The following STAM2 variants were observed in gnomAD, a reference collection of about 807,000 sequenced individuals.
The protein encoded by STAM2 is signal transducing adaptor molecule 2, also known as signal transducing adapter molecule 2.
In STAM2, 51 loss-of-function variants were observed where a neutral mutation model predicts 65.6. That is an observed-to-expected ratio of 0.78 (90% CI 0.62 to 0.98). The LOEUF (loss-of-function observed/expected upper bound fraction) is 0.98. STAM2 is among the 50% of genes least tolerant of loss of function. The probability of loss-of-function intolerance (pLI) is 0.00; values close to 1 mark genes in which losing one functional copy is unlikely to be tolerated. For synonymous variants in STAM2, 198 were observed against 208.4 expected, an observed-to-expected ratio of 0.95 and a Z score of 0.43; for missense variants, 584 against 617.8, an observed-to-expected ratio of 0.95 and a Z score of 0.58.
At chr2:152,132,567 A>T (rs1361217145) in intron 10 of STAM2, among the ~76,000 whole-genome samples, 1 of 152,166 alleles carries the variant, frequency 6.6e-6, no homozygotes, top group Non-Finnish European at 1.5e-5. Flanking sequence ...TCAAGATTAA[A>T]CATACTGTGT....
chr2:152,122,584 T>A (rs1165270228), intron 13 of STAM2, among the ~76,000 whole-genome samples: 1 of 152,162 alleles, frequency 6.6e-6, no homozygotes, highest in African/African-American at 2.4e-5. Context: ...TGAACACTAA[T>A]ATAAACAGAT....
rs765783058 is a variant in STAM2 at position 152,133,483 on chromosome 2, C to T, written c.801G>A (p.Ala267=). The change falls in exon 9 of 14, where the codon GCG becomes GCA. Residue 267 remains alanine (A), a splice_region_variant and synonymous_variant. Coordinates refer to ENST00000263904, the MANE Select transcript of STAM2 (RefSeq NM_005843.6). ...CAATTACATTCAATTTGTCCACAGC[C>T]GCTATAGAAACAAAGTAATTTTAAG... ...TTNLNIETEA[A]AVDKLNVIDD... is the part of the protein sequence containing the mutation. The T allele has an allele frequency of 5.0e-5, 80 of 1,610,240 alleles. No individual in the cohort carries two copies. In the Admixed American group the frequency reaches 8.9e-4, roughly 18 times the overall value.
At position 152,162,450 on chromosome 2, in the gene STAM2, C is replaced by T. The variant is rs191378756; in HGVS notation, c.41-12221G>A. 2.6e-5 allele frequency among the ~76,000 whole-genome samples: 4 copies of T among 152,112 alleles called. No individual in the cohort carries two copies. The East Asian group carries it at 5.8e-4, about 22-fold the overall frequency. ...GAAATAGTAGTCTGGTACGGTGATG[C>T]GCACCTGTAGTTCTAGGTACTCAGA... On this transcript the variant is annotated intron_variant, in intron 1 of 13. Transcript: ENST00000263904.
At chr2:152,139,845 C>T (rs1388839872) in intron 7 of STAM2, among the ~76,000 whole-genome samples, 2 of 151,158 alleles carry the variant, frequency 1.3e-5, no homozygotes, top group Non-Finnish European at 2.9e-5. Flanking sequence ...AATAGAACAA[C>T]AAAAAAAATT....
chr2:152,163,180 T>C (rs1389708130), intron 1 of STAM2, among the ~76,000 whole-genome samples: 5 of 152,184 alleles, frequency 3.3e-5, no homozygotes, highest in Non-Finnish European at 4.4e-5. Context: ...CCAGAACGAA[T>C]GGAGGGACTG....
chr2:152,156,176 ATTGT>A (rs1689542248), intron 1 of STAM2, among the ~76,000 whole-genome samples: 1 of 152,136 alleles, frequency 6.6e-6, no homozygotes, highest in Admixed American at 6.5e-5. Context: ...TAATTAGACT[ATTGT>A]TTATTTAATT....
chr2:152,155,666 G>A (rs1203982312), intron 1 of STAM2, among the ~76,000 whole-genome samples: 1 of 152,034 alleles, frequency 6.6e-6, no homozygotes, highest in Non-Finnish European at 1.5e-5. Context: ...AATCTTTCCT[G>A]TTTGTTTATG....
At chr2:152,160,531 G>C (rs1389235275) in intron 1 of STAM2, among the ~76,000 whole-genome samples, 1 of 151,562 alleles carries the variant, frequency 6.6e-6, no homozygotes. Flanking sequence ...CCCTCCGCCC[G>C]GCAGCCACCG....
At chr2:152,142,323 T>C (rs565411337) in intron 7 of STAM2, among the ~76,000 whole-genome samples, 1 of 152,372 alleles carries the variant, frequency 6.6e-6, no homozygotes, top group Non-Finnish European at 1.5e-5. Flanking sequence ...TATAAAGTAA[T>C]GCTCTAAATT....
At chr2:152,152,027 TCTCCCGGGG>T (rs767414017) in intron 1 of STAM2, among the ~76,000 whole-genome samples, 1 of 151,956 alleles carries the variant, frequency 6.6e-6, no homozygotes, top group Non-Finnish European at 1.5e-5. Flanking sequence ...GCAGCCTTTA[TCTCCCGGGG>T]CTCACGTGAT....
At chr2:152,174,355 G>A (rs10497097) in intron 1 of STAM2, among the ~76,000 whole-genome samples, 32,213 of 151,980 alleles carry the variant, frequency 0.21, 3,644 homozygotes, top group Admixed American at 0.3. Flanking sequence ...ACTGCAATGA[G>A]GCGTTCCAAA....
intron 6 of STAM2, 23 bp from the exon 7 acceptor site, chr2:152,144,036 A>T: frequency 1.9e-6 from 3 of 1,580,370 alleles, no homozygotes; most frequent in Non-Finnish European, 2.6e-6. Context: ...ATTAAAATGC[A>T]AAGAAACTGG....
intron 7 of STAM2, among the ~76,000 whole-genome samples, chr2:152,139,173 T>C (rs1689203217): frequency 6.6e-6 from 1 of 152,208 alleles, no homozygotes; most frequent in Admixed American, 6.5e-5. Flanking sequence ...ACAAACCATT[T>C]AATAATTAAA....
intron 7 of STAM2, among the ~76,000 whole-genome samples, chr2:152,138,346 T>C (rs1431456005): frequency 6.6e-6 from 1 of 152,152 alleles, no homozygotes; most frequent in Non-Finnish European, 1.5e-5. Flanking sequence ...ATCATTTATA[T>C]AATTTTTGTT....
In STAM2 at chr2:152,119,442, A is replaced by G. The variant is rs900825151; in HGVS notation, c.*1132T>C. Reference sequence around the variant, plus strand: ...AGAATTACTTCTGAAAGAAATGGTCAATTTTTTCAACAGCTTGGTATGTTG... The same window carrying G: ...AGAATTACTTCTGAAAGAAATGGTCGATTTTTTCAACAGCTTGGTATGTTG... On this transcript the variant is annotated 3_prime_UTR_variant, in exon 14 of 14. Coordinates refer to ENST00000263904, the MANE Select transcript of STAM2 (RefSeq NM_005843.6). 1 of 152,182 alleles carries G rather than the reference A, an allele frequency of 6.6e-6. No individual in the cohort carries two copies. The highest frequency in any genetic ancestry group is 2.4e-5 in the African/African-American group (1 of 41,448). The allele number at this position is 152,182 out of a possible 1,614,324, so 9.4% of individuals were successfully genotyped here.
intron 5 of STAM2, 123 bp from the exon 6 acceptor site, chr2:152,145,080 G>A: frequency 9.1e-6 from 7 of 767,072 alleles, no homozygotes; most frequent in Non-Finnish European, 1.5e-5. Flanking sequence ...TAAAAGTGAA[G>A]TTCTTTTTTG....
rs369747558 is a variant in STAM2 at position 152,150,192 on chromosome 2, C to G, written c.78G>C (p.Trp26Cys). 2 of 1,613,564 alleles carry G rather than the reference C, an allele frequency of 1.2e-6. No homozygotes were observed. Among genetic ancestry groups the G allele is most frequent in the Non-Finnish European group, 1.7e-6 (2 of 1,179,678 alleles). ...ATNEYNTTED[W>C]SLIMDICDKV... Reference sequence around the variant, plus strand: ...TGTCACATATGTCCATAATAAGACTCCAATCTTCTGTAGTGTTGTACTCAT... The same window carrying G: ...TGTCACATATGTCCATAATAAGACTGCAATCTTCTGTAGTGTTGTACTCAT... Residue 26 changes from tryptophan to cysteine, a missense_variant, in exon 2 of 14, where the codon TGG (tryptophan) becomes TGC (cysteine). Coordinates refer to ENST00000263904, the MANE Select transcript of STAM2 (RefSeq NM_005843.6).
At chr2:152,173,119 C>A (rs1055601726) in intron 1 of STAM2, among the ~76,000 whole-genome samples, 5 of 151,182 alleles carry the variant, frequency 3.3e-5, no homozygotes, top group African/African-American at 7.3e-5. Context: ...AGTCTATTTA[C>A]TCATTTTGTG....
intron 1 of STAM2, among the ~76,000 whole-genome samples, chr2:152,153,422 A>C (rs920583755): frequency 5.3e-5 from 8 of 152,052 alleles, no homozygotes; most frequent in African/African-American, 1.9e-4. Context: ...AAAAATGAAC[A>C]GGCTTAGCAA....
Sources: allele counts gnomAD v4.1 joint callset (sites outside exome capture counted in the v4.1 genomes callset), GRCh38; gene constraint gnomAD v4.1.1; transcripts MANE v1.5; gene names NCBI Gene and HGNC (gene_info 2026-07-23, HGNC 2026-07-21).